The following SETX variants were observed in gnomAD, a reference collection of about 807,000 sequenced individuals.
SETX encodes the protein helicase senataxin.
In SETX, 90 loss-of-function variants were observed where a neutral mutation model predicts 227.2. The ratio of observed to expected loss-of-function variants is 0.40; its 90% CI spans 0.33 to 0.47. The LOEUF (loss-of-function observed/expected upper bound fraction) is 0.47. SETX is among the 20% of genes least tolerant of loss of function. SETX has a pLI of 0.91. For synonymous variants in SETX, 1,210 were observed against 1,113.2 expected (o/e 1.09, Z -1.73); for missense variants, 3,052 against 3,181.5 (o/e 0.96, Z 0.98).
intron 3 of SETX, 55 bp from the exon 4 acceptor site, chr9:132,346,526 A>G: frequency 8.2e-7 from 1 of 1,222,112 alleles, no homozygotes; most frequent in Non-Finnish European, 1.2e-6. Context: ...AACAAAATAC[A>G]CTGAATGTGA....
intron 10 of SETX, among the ~76,000 whole-genome samples, chr9:132,320,306 T>C (rs1240012190): frequency 6.6e-6 from 1 of 152,032 alleles, no homozygotes; most frequent in Non-Finnish European, 1.5e-5. Flanking sequence ...CCGGGCGCAG[T>C]GGCTCACGCC....
intron 10 of SETX, among the ~76,000 whole-genome samples, chr9:132,314,906 GTTT>G (rs559979271): frequency 0.085 from 7,474 of 87,932 alleles, 79 homozygotes; most frequent in East Asian, 0.19. Context: ...ATTTTATTGT[GTTT>G]TTTTTTTTTT....
At chr9:132,272,580 G>C (rs543278983) in intron 23 of SETX, among the ~76,000 whole-genome samples, 10 of 152,062 alleles carry the variant, frequency 6.6e-5, no homozygotes, top group Non-Finnish European at 1.3e-4. Flanking sequence ...GCCTCCCAAG[G>C]AGATGCATGC....
chr9:132,264,084 A>G lies in SETX; in HGVS notation c.*155T>C. 2.0e-6 allele frequency: 2 copies of G among 1,007,324 alleles called. No individual in the cohort carries two copies. The highest frequency in any genetic ancestry group is 2.9e-5 in the South Asian group (2 of 69,088). The allele number at this position is 1,007,324 out of a possible 1,614,324, so 62.4% of individuals were successfully genotyped here. On this transcript the variant is annotated 3_prime_UTR_variant, in exon 26 of 26. Transcript: ENST00000224140. Reference sequence around the variant, plus strand: ...TTGCAAATGACAGAAAATACTGAAGATGACCAGAGGCTCAGGTGTTAAGGA... The same window carrying G: ...TTGCAAATGACAGAAAATACTGAAGGTGACCAGAGGCTCAGGTGTTAAGGA...
At chr9:132,296,511 C>T (rs574890495) in intron 14 of SETX, among the ~76,000 whole-genome samples, 7 of 151,510 alleles carry the variant, frequency 4.6e-5, no homozygotes, top group African/African-American at 1.7e-4. Context: ...TGCTGTGAGT[C>T]AAGATCGTGC....
chr9:132,347,366 G>A (rs963712983), intron 3 of SETX, among the ~76,000 whole-genome samples: 2 of 151,710 alleles, frequency 1.3e-5, no homozygotes, highest in African/African-American at 4.8e-5. Flanking sequence ...AGGCTGGAGT[G>A]CAATGGCGTG....
chr9:132,334,678 C>T lies in SETX; in HGVS notation c.768G>A (p.Leu256=), dbSNP rs759468738. Residue 256 remains leucine (L), a synonymous_variant, in exon 7 of 26, where the codon CTG becomes CTA. Transcript: ENST00000224140. ...TILEEQAMDS[L]LLGSDKQNDF... ...CATTTTGTTTGTCTGAGCCCAACAA[C>T]AGGGAATCCATGGCTTGTTCCTCAA... 3.1e-6 allele frequency: 5 copies of T among 1,614,084 alleles called. No homozygotes were observed. The highest frequency in any genetic ancestry group is 2.5e-6 in the Non-Finnish European group (3 of 1,179,952).
chr9:132,327,091 G>C lies in SETX; in HGVS notation c.4507C>G (p.Pro1503Ala), dbSNP rs745844516. 3 of 1,614,068 alleles carry C rather than the reference G, an allele frequency of 1.9e-6. No individual in the cohort carries two copies. The highest frequency in any genetic ancestry group is 2.5e-6 in the Non-Finnish European group (3 of 1,180,008). Residue 1503 changes from proline (P) to alanine (A), a missense_variant, in exon 10 of 26, where the codon CCT becomes GCT. Coordinates refer to ENST00000224140, the MANE Select transcript of SETX (RefSeq NM_015046.7). ...TGTGAACATAAATCCATATCTTCAG[G>C]ATCATTTTGGGTTAAAAATAAGTTA... ...EDNLFLTQNDPEDMDLCSQME... is the reference protein window; with the variant it reads ...EDNLFLTQNDAEDMDLCSQME...
rs1160039273 is a variant in SETX, at chr9:132,281,515, G to A, written c.6606C>T (p.Leu2202=). The part of the protein sequence containing the change: ...LTPLIHRCNK[L]ILVGDPKQLP... Reference sequence around the variant, plus strand: ...GCTGCTTAGGATCTCCTACTAGGATGAGCTTATTGCAGCGATGGATGAGTG... The same window carrying A: ...GCTGCTTAGGATCTCCTACTAGGATAAGCTTATTGCAGCGATGGATGAGTG... The change falls in exon 20 of 26, where the codon CTC becomes CTT. Residue 2202 remains leucine (L), a synonymous_variant. Transcript: ENST00000224140. The A allele has an allele frequency of 6.2e-7, 1 of 1,614,054 alleles. No individual in the cohort carries two copies. The highest frequency in any genetic ancestry group is 8.5e-7 in the Non-Finnish European group (1 of 1,179,952).
chr9:132,283,663 C>T (rs772482851), intron 18 of SETX, among the ~76,000 whole-genome samples: 2 of 152,096 alleles, frequency 1.3e-5, no homozygotes, highest in African/African-American at 4.8e-5. Context: ...AAATTTTTAT[C>T]CAGGGTTTGA....
intron 10 of SETX, among the ~76,000 whole-genome samples, chr9:132,321,386 G>A (rs1846318246): frequency 6.6e-6 from 1 of 152,154 alleles, no homozygotes. Flanking sequence ...GCTGGGCGCG[G>A]TAGCTCACAC....
Position 132,328,711 on chromosome 9 carries a change from G to A in SETX, c.2887C>T (p.His963Tyr), listed in dbSNP as rs757405541. 7.4e-6 allele frequency: 12 copies of A among 1,613,840 alleles called. No homozygotes were observed. Among genetic ancestry groups the A allele is most frequent in the South Asian group, 1.1e-5 (1 of 91,024 alleles). The change falls in exon 10 of 26, where the codon CAC becomes TAC. Residue 963 changes from histidine to tyrosine, a missense_variant. His to Tyr is a moderately conservative substitution (Grantham distance 83, BLOSUM62 2). Transcript: ENST00000224140. ...GCTTGAGCTAGTAAAGATAATTTGT[G>A]AAGGTCTCTGTCTATCTGAGAATCC... ...LTDSQIDRDL[H>Y]KLSLLAQASV... is the part of the protein sequence containing the mutation.
At chr9:132,304,589 C>A (rs541696769) in intron 11 of SETX, among the ~76,000 whole-genome samples, 1 of 148,912 alleles carries the variant, frequency 6.7e-6, no homozygotes, top group East Asian at 2.0e-4. Flanking sequence ...GCTGGGATTG[C>A]GCCACTGAAC....
Position 132,298,266 on chromosome 9 carries a change from C to A in SETX, c.5595G>T (p.Glu1865Asp). 6.2e-7 allele frequency: 1 copy of A among 1,614,068 alleles called. No individual in the cohort carries two copies. Residue 1865 changes from glutamate (E) to aspartate (D), a missense_variant, in exon 13 of 26, where the codon GAG becomes GAT. By Grantham distance (45) the Glu-to-Asp change is conservative. This residue lies in a region of SETX where 239 missense variants were observed against 272.1 expected (regional missense o/e 0.88). Transcript: ENST00000224140. ...GTTCGTTTAAATTGGCCGGAAAGTTCTCTTGAGTCTGGATGGAAAGGTAAC... is the reference window on the plus strand; with the variant it reads ...GTTCGTTTAAATTGGCCGGAAAGTTATCTTGAGTCTGGATGGAAAGGTAAC... ...TECYLSIQTQ[E>D]NFPANLNELV...
At chr9:132,298,654 G>A (rs1844814464) in intron 12 of SETX, among the ~76,000 whole-genome samples, 1 of 152,248 alleles carries the variant, frequency 6.6e-6, no homozygotes, top group East Asian at 1.9e-4. Context: ...TGAAGTAAGG[G>A]AGTAAACAGT....
chr9:132,339,623 CT>C (rs1430078446), intron 5 of SETX, among the ~76,000 whole-genome samples: 1 of 151,934 alleles, frequency 6.6e-6, no homozygotes, highest in Non-Finnish European at 1.5e-5. Flanking sequence ...TACAACTTTC[CT>C]TTTGTGAGAT....
At position 132,265,798 on chromosome 9, in the gene SETX, C is replaced by A. The variant is rs562961277; in HGVS notation, c.7288-813G>T. Among the ~76,000 whole-genome samples the A allele has an allele frequency of 2.6e-5, 4 of 152,204 alleles. No homozygotes were observed. The South Asian group carries it at 8.3e-4, about 32-fold the overall frequency. ...TACACCTCTTGGCAGGGCTAACGTT[C>A]TGAAACAGGAAGGTCTGGTTTCAGA... is the stretch of plus-strand genomic sequence containing the variant. On this transcript the variant is annotated intron_variant, in intron 25 of 25. Transcript: ENST00000224140.
rs568014078 is a variant in SETX at position 132,311,027 on chromosome 9, C to T, written c.5374+730G>A. Among the ~76,000 whole-genome samples the T allele has an allele frequency of 1.9e-3, 289 of 152,190 alleles. 1 individual carries two copies. The highest frequency in any genetic ancestry group is 2.3e-3 in the Non-Finnish European group (154 of 68,004). ...TCTGTGCCAGGCTGGAGTGCAGTGG[C>T]GCTATTTCGGCTCACTGCAAACTCC... On this transcript the variant is annotated intron_variant, in intron 11 of 25. Transcript: ENST00000224140.
chr9:132,321,378 T>C (rs1009244016), intron 10 of SETX, among the ~76,000 whole-genome samples: 6 of 151,668 alleles, frequency 4.0e-5, no homozygotes, highest in African/African-American at 1.5e-4. Flanking sequence ...AACTTAGGGC[T>C]GGGCGCGGTA....
Sources: gnomAD v4.1 joint callset for allele counts (sites outside exome capture counted in the v4.1 genomes callset) on GRCh38, gnomAD v4.1.1 for gene constraint, gnomAD v4.1.1 regional missense constraint, MANE v1.5 for transcripts, NCBI Gene and HGNC (gene_info 2026-07-23, HGNC 2026-07-21) for gene names.